GNB4: variants seen among roughly 807,000 people sequenced by gnomAD.
GNB4 encodes the protein G protein subunit beta 4.
GNB4 carries 28 observed loss-of-function variants against 45.2 expected under a neutral mutation model. The ratio of observed to expected loss-of-function variants is 0.62; its 90% CI spans 0.46 to 0.85. The LOEUF (loss-of-function observed/expected upper bound fraction) is 0.85. Ranked by LOEUF, GNB4 falls within the 40% of genes least tolerant of loss-of-function variation. GNB4 has a pLI of 0.00. For missense variants in GNB4, 321 were observed against 425.4 expected (o/e 0.75, Z 2.16); for synonymous variants, 132 against 143.7 (o/e 0.92, Z 0.58).
the GNB4 span, among the ~76,000 whole-genome samples, chr3:179,469,997 T>A: frequency 6.6e-6 from 1 of 152,202 alleles, no homozygotes; most frequent in African/African-American, 2.4e-5. Context: ...ATCCCATAGA[T>A]TACAAGGAAG....
chr3:179,466,409 G>T, the GNB4 span, among the ~76,000 whole-genome samples: 88,843 of 151,992 alleles, frequency 0.58, 26,123 homozygotes, highest in East Asian at 0.75. Flanking sequence ...TTTTGGCTTT[G>T]GGCTAAGCAG....
At chr3:179,467,834 G>A in the GNB4 span, among the ~76,000 whole-genome samples, 87,730 of 150,638 alleles carry the variant, frequency 0.58, 25,759 homozygotes, top group East Asian at 0.75. Flanking sequence ...CATTTAAAGT[G>A]GTAGGTTGAT....
At chr3:179,488,356 A>G in the GNB4 span, among the ~76,000 whole-genome samples, 1 of 152,266 alleles carries the variant, frequency 6.6e-6, no homozygotes, top group East Asian at 1.9e-4. Context: ...TTCAGTATGC[A>G]TGTTTAGGAC....
chr3:179,409,322 C>A lies in GNB4; in HGVS notation c.700-3916G>T, dbSNP rs540482009. Reference sequence around the variant, plus strand: ...GGTCGGGAGTTCGAGACCAGCCTGACCACATGGAGAAACCTCGTCTCCACT... The same window carrying A: ...GGTCGGGAGTTCGAGACCAGCCTGAACACATGGAGAAACCTCGTCTCCACT... On this transcript the variant is annotated intron_variant, in intron 8 of 9. Transcript: ENST00000232564. Among the ~76,000 whole-genome samples, 254 of 149,982 alleles carry A rather than the reference C, an allele frequency of 1.7e-3. 1 individual carries two copies. In the Middle Eastern group the frequency reaches 0.017, roughly 10 times the overall value.
intron 2 of GNB4, among the ~76,000 whole-genome samples, chr3:179,423,490 G>A (rs369689185): frequency 2.0e-5 from 3 of 152,120 alleles, no homozygotes; most frequent in East Asian, 3.9e-4. Context: ...CATCAATGAA[G>A]TTAAGAAACT....
chr3:179,413,855 T>C (rs1714720641), intron 6 of GNB4, 74 bp from the exon 7 acceptor site: 12 of 1,069,568 alleles, frequency 1.1e-5, no homozygotes, highest in Non-Finnish European at 1.7e-5. Context: ...AATAGCAATA[T>C]ATATTTTTAA....
At chr3:179,424,995 TTA>T (rs1478174505) in intron 2 of GNB4, among the ~76,000 whole-genome samples, 1 of 152,318 alleles carries the variant, frequency 6.6e-6, no homozygotes, top group African/African-American at 2.4e-5. Context: ...GTGTTCCAAG[TTA>T]TGAGATTCTC....
upstream of GNB4, among the ~76,000 whole-genome samples, chr3:179,455,934 G>A (rs1283257091): frequency 1.3e-5 from 2 of 152,138 alleles, no homozygotes. Flanking sequence ...CTTTCCACGG[G>A]CTACTTGGAA....
At chr3:179,470,817 G>A in the GNB4 span, among the ~76,000 whole-genome samples, 1 of 152,058 alleles carries the variant, frequency 6.6e-6, no homozygotes, top group African/African-American at 2.4e-5. Context: ...GTGTGTCTGC[G>A]TTTTAAGCTA....
the GNB4 span, among the ~76,000 whole-genome samples, chr3:179,488,142 T>C: frequency 6.6e-6 from 1 of 152,162 alleles, no homozygotes; most frequent in African/African-American, 2.4e-5. Context: ...CAGCTTTGAT[T>C]GGACAAAAGA....
At chr3:179,465,023 A>T in the GNB4 span, 2 of 1,515,288 alleles carry the variant, frequency 1.3e-6, no homozygotes, top group Non-Finnish European at 1.8e-6. Context: ...AGGTGATGCC[A>T]CTGTTACAAT....
chr3:179,430,265 T>C (rs936512236), intron 1 of GNB4, among the ~76,000 whole-genome samples: 1 of 151,418 alleles, frequency 6.6e-6, no homozygotes, highest in Non-Finnish European at 1.5e-5. Flanking sequence ...TTCTTTTTTC[T>C]TTTTTGGTAG....
chr3:179,494,154 C>T, the GNB4 span, among the ~76,000 whole-genome samples: 1 of 152,136 alleles, frequency 6.6e-6, no homozygotes, highest in Non-Finnish European at 1.5e-5. Flanking sequence ...TTTCCCTGGA[C>T]CTGTGGCATT....
intron 9 of GNB4, among the ~76,000 whole-genome samples, chr3:179,401,674 A>AGCT (rs1183344629): frequency 2.6e-5 from 4 of 152,220 alleles, no homozygotes; most frequent in African/African-American, 9.7e-5. Context: ...TTTGCTACTG[A>AGCT]GCTATGTATG....
chr3:179,513,444 A>G, the GNB4 span, among the ~76,000 whole-genome samples: 1 of 152,156 alleles, frequency 6.6e-6, no homozygotes, highest in Non-Finnish European at 1.5e-5. Flanking sequence ...TTGGCTTCCC[A>G]GAATGTTGGG....
the GNB4 span, among the ~76,000 whole-genome samples, chr3:179,470,171 A>G: frequency 2.0e-4 from 30 of 152,244 alleles, no homozygotes; most frequent in Non-Finnish European, 1.8e-4. Flanking sequence ...GCTGGTTTAT[A>G]TATTTGCTAC....
chr3:179,498,139 C>T, the GNB4 span, among the ~76,000 whole-genome samples: 1 of 152,154 alleles, frequency 6.6e-6, no homozygotes, highest in Non-Finnish European at 1.5e-5. Flanking sequence ...GTGTAAACAA[C>T]CTAAGTATTG....
At chr3:179,472,181 T>C in the GNB4 span, among the ~76,000 whole-genome samples, 7 of 152,066 alleles carry the variant, frequency 4.6e-5, no homozygotes, top group African/African-American at 1.7e-4. Context: ...GCCAATTTTA[T>C]ACAAAAACAT....
At position 179,401,298 on chromosome 3, in the gene GNB4, T is replaced by TCAAACTCTGGAA; in HGVS notation, c.937_938insTTCCAGAGTTTG (p.Asn313delinsIleProGluPheAsp). ...AGTTACACCTAAGCAGCTCACACGG[T>TCAAACTCTGGAA]TGTCATGACCAGCAAGGACACCTGA... On this transcript the variant is annotated protein_altering_variant, in exon 10 of 10. Transcript: ENST00000232564. The TCAAACTCTGGAA allele has an allele frequency of 1.2e-6, 2 of 1,612,558 alleles. No individual in the cohort carries two copies. Among genetic ancestry groups the TCAAACTCTGGAA allele is most frequent in the Non-Finnish European group, 1.7e-6 (2 of 1,179,268 alleles).
Sources: allele counts gnomAD v4.1 joint callset (sites outside exome capture counted in the v4.1 genomes callset), GRCh38; gene constraint gnomAD v4.1.1; transcripts MANE v1.5; gene names NCBI Gene and HGNC (gene_info 2026-07-23, HGNC 2026-07-21).